RIMKLB: variants seen among roughly 807,000 people sequenced by gnomAD.
RIMKLB encodes beta-citrylglutamate synthase B.
RIMKLB carries 7 observed loss-of-function variants against 32.0 expected under a neutral mutation model. That is an observed-to-expected ratio of 0.22 (90% CI 0.12 to 0.41). The LOEUF (loss-of-function observed/expected upper bound fraction) is 0.41, where lower values mean the gene tolerates loss of function less well. Among genes scored for constraint, RIMKLB ranks in the 10% least tolerant of loss-of-function variants. The pLI, the probability that RIMKLB is intolerant of heterozygous loss-of-function variation, is 1.00. For synonymous variants in RIMKLB, 172 were observed against 185.1 expected (o/e 0.93, Z 0.57); for missense variants, 289 against 498.7 (o/e 0.58, Z 4.00).
chr12:8,779,090 T>C (rs1372865130), downstream of RIMKLB: 2 of 152,110 alleles, frequency 1.3e-5, no homozygotes, highest in East Asian at 3.9e-4. Flanking sequence ...TGATGTATAC[T>C]AAAAAATAAA....
chr12:8,745,421 T>G (rs1947988606), intron 2 of RIMKLB, among the ~76,000 whole-genome samples: 1 of 151,760 alleles, frequency 6.6e-6, no homozygotes, highest in Non-Finnish European at 1.5e-5. Flanking sequence ...TGAGATGGTG[T>G]TTCACTCTTG....
At chr12:8,737,249 A>AG (rs1565596414) in intron 2 of RIMKLB, among the ~76,000 whole-genome samples, 3,956 of 145,092 alleles carry the variant, frequency 0.027, 185 homozygotes, top group African/African-American at 0.094. Context: ...TTTAATCATG[A>AG]CTTTTTTTTT....
intron 2 of RIMKLB, among the ~76,000 whole-genome samples, chr12:8,737,180 T>C (rs934157952): frequency 2.0e-5 from 3 of 152,164 alleles, no homozygotes; most frequent in Non-Finnish European, 4.4e-5. Flanking sequence ...AGCATTTTTT[T>C]CTCCTTTATC....
At chr12:8,678,835 G>A (rs950518706), upstream of RIMKLB, 1 of 152,170 alleles carries the variant, frequency 6.6e-6, no homozygotes, top group African/African-American at 2.4e-5. Flanking sequence ...GGAAAATTAA[G>A]CTCATTTTTC....
rs763734388 is a variant in RIMKLB at position 8,731,200 on chromosome 12, GATTCTC to G, written c.175+17160_175+17165del. 3.1e-3 allele frequency among the ~76,000 whole-genome samples: 468 copies of G among 152,202 alleles called. 5 individuals carry two copies. Among genetic ancestry groups the G allele is most frequent in the African/African-American group, 0.011 (447 of 41,526 alleles). On this transcript the variant is annotated intron_variant, in intron 2 of 5. Transcript: ENST00000535829. ...CAACCTCTGACTCTTGGGTTCAAGT[GATTCTC>G]CTGCCTCAGCCTCTTGAGTAGCTGG...
intron 5 of RIMKLB, among the ~76,000 whole-genome samples, chr12:8,764,292 A>G (rs1490990735): frequency 6.6e-6 from 1 of 152,094 alleles, no homozygotes; most frequent in Non-Finnish European, 1.5e-5. Context: ...TGTTCCCCAG[A>G]CTTCAGGATT....
chr12:8,777,912 A>T (rs1217616670), downstream of RIMKLB: 1 of 180,812 alleles, frequency 5.5e-6, no homozygotes, highest in East Asian at 1.6e-4. Context: ...CATAATTCTC[A>T]CTTAAAAATA....
At chr12:8,717,414 G>A (rs774998154) in intron 2 of RIMKLB, among the ~76,000 whole-genome samples, 1 of 151,888 alleles carries the variant, frequency 6.6e-6, no homozygotes, top group East Asian at 1.9e-4. Context: ...AGAAGGCATA[G>A]AAGTTCTTTT....
intron 2 of RIMKLB, among the ~76,000 whole-genome samples, chr12:8,744,607 TTTC>T (rs1385122371): frequency 1.3e-5 from 2 of 151,880 alleles, no homozygotes; most frequent in East Asian, 3.9e-4. Context: ...CTCTCCTGAT[TTTC>T]TTATTTTTTA....
intron 2 of RIMKLB, among the ~76,000 whole-genome samples, chr12:8,729,414 C>A (rs967483659): frequency 6.6e-6 from 1 of 151,924 alleles, no homozygotes; most frequent in Non-Finnish European, 1.5e-5. Context: ...TCTGAAGCTG[C>A]GCTCTCGAGC....
chr12:8,718,661 ATATATATATGTG>A (rs1176087077), intron 2 of RIMKLB, among the ~76,000 whole-genome samples: 38 of 118,502 alleles, frequency 3.2e-4, no homozygotes, highest in African/African-American at 1.1e-3. Flanking sequence ...CTCTATATAT[ATATATATATGTG>A]TGTGTGTGTG....
intron 2 of RIMKLB, among the ~76,000 whole-genome samples, chr12:8,714,824 C>T (rs188919083): frequency 1.3e-5 from 2 of 152,240 alleles, no homozygotes; most frequent in Admixed American, 1.3e-4. Context: ...GACTGGCTTT[C>T]AGAAAATACT....
chr12:8,767,122 G>C (rs779891788), intron 5 of RIMKLB, among the ~76,000 whole-genome samples: 1 of 152,228 alleles, frequency 6.6e-6, no homozygotes, highest in Admixed American at 6.5e-5. Flanking sequence ...ACAGGGTCAC[G>C]GAGAAGACCT....
intron 2 of RIMKLB, among the ~76,000 whole-genome samples, chr12:8,718,958 T>G (rs1449447353): frequency 6.6e-6 from 1 of 152,162 alleles, no homozygotes; most frequent in Non-Finnish European, 1.5e-5. Flanking sequence ...CATAATTACA[T>G]GTATCCACCA....
chr12:8,715,352 A>T (rs1302862086), intron 2 of RIMKLB, among the ~76,000 whole-genome samples: 1 of 150,804 alleles, frequency 6.6e-6, no homozygotes, highest in African/African-American at 2.4e-5. Context: ...CAGCCTCCTG[A>T]GTAGCTGGGA....
intron 1 of RIMKLB, among the ~76,000 whole-genome samples, chr12:8,690,295 A>C (rs1439145630): frequency 6.6e-6 from 1 of 152,172 alleles, no homozygotes; most frequent in East Asian, 1.9e-4. Context: ...TTTTTGTTGA[A>C]TCTTTAGAGG....
chr12:8,725,833 G>T (rs1945930751), intron 2 of RIMKLB, among the ~76,000 whole-genome samples: 1 of 152,138 alleles, frequency 6.6e-6, no homozygotes, highest in Admixed American at 6.6e-5. Context: ...GTCTTCCAGG[G>T]TGGTTGTACT....
chr12:8,677,560 T>C (rs187542077), upstream of RIMKLB, among the ~76,000 whole-genome samples: 17 of 152,314 alleles, frequency 1.1e-4, no homozygotes, highest in African/African-American at 3.1e-4. Flanking sequence ...ATCTTTGTGA[T>C]ACAAAGCAGC....
intron 2 of RIMKLB, among the ~76,000 whole-genome samples, chr12:8,725,884 G>C (rs902484266): frequency 1.3e-5 from 2 of 152,138 alleles, no homozygotes; most frequent in Admixed American, 1.3e-4. Context: ...GTCTCACTGT[G>C]TCACCCAGGC....
Sources: allele counts gnomAD v4.1 joint callset (sites outside exome capture counted in the v4.1 genomes callset), GRCh38; gene constraint gnomAD v4.1.1; transcripts MANE v1.5; gene names NCBI Gene and HGNC (gene_info 2026-07-23, HGNC 2026-07-21).